DAP3: variants seen among roughly 807,000 people sequenced by gnomAD.
The protein encoded by DAP3 is death associated protein 3, also known as small ribosomal subunit protein mS29.
A neutral mutation model predicts 51.9 loss-of-function variants in DAP3; 28 were observed. The observed-to-expected ratio is 0.54, with a 90% CI of 0.40 to 0.74. The LOEUF (loss-of-function observed/expected upper bound fraction) is 0.74, where lower values mean the gene tolerates loss of function less well. DAP3 is among the 30% of genes least tolerant of loss of function. DAP3 has a pLI of 0.00. For missense variants in DAP3, 458 were observed against 483.5 expected, an observed-to-expected ratio of 0.95 and a Z score of 0.49; for synonymous variants, 170 against 170.3, an observed-to-expected ratio of 1.00 and a Z score of 0.01.
At chr1:155,688,013 G>T (rs192716649), upstream of DAP3, 311 of 1,508,302 alleles carry the variant, frequency 2.1e-4, no homozygotes, top group Non-Finnish European at 2.6e-4. Flanking sequence ...GAAAGCCCAG[G>T]ATTCAATCGC....
intron 1 of DAP3, among the ~76,000 whole-genome samples, chr1:155,704,609 ACT>A (rs1366214741): frequency 3.3e-5 from 5 of 151,704 alleles, no homozygotes; most frequent in African/African-American, 9.7e-5. Flanking sequence ...ACCACTATAG[ACT>A]CTGTGTAGTG....
intron 1 of DAP3, among the ~76,000 whole-genome samples, chr1:155,704,369 A>G (rs1029114234): frequency 6.6e-6 from 1 of 152,194 alleles, no homozygotes; most frequent in Non-Finnish European, 1.5e-5. Context: ...GCCTATGGAA[A>G]GAAGTGCATC....
At chr1:155,693,352 A>G (rs1370948823) in intron 1 of DAP3, among the ~76,000 whole-genome samples, 2 of 141,922 alleles carry the variant, frequency 1.4e-5, no homozygotes, top group Admixed American at 1.3e-4. Flanking sequence ...TTTTCCCTCA[A>G]GGTAATATTT....
At chr1:155,721,435 T>C (rs1483367555) in intron 3 of DAP3, 82 bp from the exon 4 acceptor site, 5 of 1,033,684 alleles carry the variant, frequency 4.8e-6, no homozygotes, top group Non-Finnish European at 7.4e-6. Flanking sequence ...GACATACATA[T>C]ATACACACAC....
chr1:155,731,316 G>T, intron 9 of DAP3, 40 bp from the exon 10 acceptor site: 1 of 1,585,104 alleles, frequency 6.3e-7, no homozygotes, highest in East Asian at 2.2e-5. Flanking sequence ...TCTAGGAAAG[G>T]CACGTGATGA....
intron 3 of DAP3, 55 bp from the exon 4 acceptor site, chr1:155,721,462 A>AG (rs1658008464): frequency 1.3e-6 from 2 of 1,536,168 alleles, no homozygotes; most frequent in Non-Finnish European, 1.8e-6. Context: ...AAGACAAAAA[A>AG]GAAAGTCTTG....
chr1:155,726,160 C>T, intron 6 of DAP3, 141 bp downstream of exon 6: 1 of 682,916 alleles, frequency 1.5e-6, no homozygotes, highest in Non-Finnish European at 2.3e-6. Context: ...GTCGGCCAGT[C>T]TGGAGTGCAG....
chr1:155,701,616 A>T (rs942731465), intron 1 of DAP3, among the ~76,000 whole-genome samples: 7 of 130,888 alleles, frequency 5.3e-5, no homozygotes, highest in African/African-American at 2.2e-4. Flanking sequence ...CCTTCCCTCC[A>T]CTATTGTCCC....
intron 11 of DAP3, 114 bp from the exon 12 acceptor site, chr1:155,736,832 A>T: frequency 1.2e-6 from 1 of 851,982 alleles, no homozygotes; most frequent in Non-Finnish European, 2.0e-6. Flanking sequence ...AATGAGAAGT[A>T]GAGTTACATA....
intron 9 of DAP3, 117 bp from the exon 10 acceptor site, chr1:155,731,239 C>T: frequency 1.0e-6 from 1 of 988,664 alleles, no homozygotes; most frequent in Non-Finnish European, 1.6e-6. Flanking sequence ...TGCACTCCAG[C>T]CTGGGCGACA....
intron 11 of DAP3, 90 bp downstream of exon 11, chr1:155,732,123 T>G: frequency 8.3e-7 from 1 of 1,202,752 alleles, no homozygotes; most frequent in Non-Finnish European, 1.1e-6. Context: ...TGACATAATT[T>G]CAGACTTAGA....
At chr1:155,706,502 T>TG (rs1232997918) in intron 1 of DAP3, among the ~76,000 whole-genome samples, 1 of 152,176 alleles carries the variant, frequency 6.6e-6, no homozygotes, top group East Asian at 1.9e-4. Flanking sequence ...CTGGGTGCGG[T>TG]GGCTCACGCC....
intron 1 of DAP3, chr1:155,709,094 C>T (rs112611137): frequency 0.065 from 9,921 of 152,054 alleles, 405 homozygotes; most frequent in African/African-American, 0.11. Context: ...GTGATCTGCC[C>T]ACCTTGACCT....
In DAP3 at chr1:155,690,455, C is replaced by T. The variant is rs556455264; in HGVS notation, c.-8+1281C>T. ...GTCTGAGCTACTTGGGAGGCTGAAG[C>T]AGGAGGATTGAGGAAGAGGTTGCAA... On this transcript the variant is annotated intron_variant, in intron 1 of 12. Coordinates refer to ENST00000368336, the MANE Select transcript of DAP3 (RefSeq NM_004632.4). Among the ~76,000 whole-genome samples, 19 of 141,174 alleles carry T rather than the reference C, an allele frequency of 1.3e-4. 5 individuals are homozygous for T. The highest frequency in any genetic ancestry group is 6.2e-4 in the African/African-American group (19 of 30,818). The allele number at this position is 141,174 out of a possible 152,430, so 92.6% of individuals were successfully genotyped here.
intron 1 of DAP3, among the ~76,000 whole-genome samples, chr1:155,695,014 G>A (rs1017825516): frequency 2.6e-5 from 4 of 152,090 alleles, no homozygotes; most frequent in Non-Finnish European, 4.4e-5. Flanking sequence ...CAGTTGGCTC[G>A]CTCAACAATC....
intron 11 of DAP3, among the ~76,000 whole-genome samples, chr1:155,734,262 C>A (rs527870124): frequency 1.3e-5 from 2 of 152,222 alleles, no homozygotes; most frequent in East Asian, 3.9e-4. Flanking sequence ...GGCTGTAGTG[C>A]AGTAGCACCA....
Position 155,729,294 on chromosome 1 carries a change from C to T in DAP3, c.771C>T (p.His257=). ...LKRQSSLGMF[H]LLVAVDGINA... is the part of the protein sequence containing the mutation. ...GGCAAAGTTCTTTGGGTATGTTTCA[C>T]CTCCTAGTGGCCGTGGATGGAATCA... The change falls in exon 9 of 13, where the codon CAC becomes CAT. Residue 257 remains histidine, a synonymous_variant. Coordinates refer to ENST00000368336, the MANE Select transcript of DAP3 (RefSeq NM_004632.4). 2 of 1,614,170 alleles carry T rather than the reference C, an allele frequency of 1.2e-6. No homozygotes were observed. The highest frequency in any genetic ancestry group is 8.5e-7 in the Non-Finnish European group (1 of 1,180,042).
chr1:155,705,567 C>T (rs1333945211), intron 1 of DAP3, among the ~76,000 whole-genome samples: 3 of 144,198 alleles, frequency 2.1e-5, no homozygotes, highest in Admixed American at 7.0e-5. Context: ...CTTGCCATTG[C>T]ACCCCATCCT....
chr1:155,694,711 T>C (rs1654295529), intron 1 of DAP3, among the ~76,000 whole-genome samples: 1 of 152,220 alleles, frequency 6.6e-6, no homozygotes, highest in South Asian at 2.1e-4. Context: ...GTCTTGTAGG[T>C]ACCCAAACTG....
Sources: allele counts gnomAD v4.1 joint callset (sites outside exome capture counted in the v4.1 genomes callset), GRCh38; gene constraint gnomAD v4.1.1; transcripts MANE v1.5; gene names NCBI Gene and HGNC (gene_info 2026-07-23, HGNC 2026-07-21).